Variants in PDXDC1 observed in about 807,000 individuals in gnomAD.
PDXDC1 encodes pyridoxal-dependent decarboxylase domain-containing protein 1.
Under a neutral mutation model 100.1 loss-of-function variants are expected in PDXDC1, and 42 were observed. The observed-to-expected ratio is 0.42, with a 90% confidence interval of 0.33 to 0.54. The LOEUF is 0.54. PDXDC1 is among the 20% of genes least tolerant of loss of function. The pLI is 0.10. For synonymous variants in PDXDC1, 260 were observed against 371.7 expected (o/e 0.70, Z 3.46); for missense variants, 636 against 979.2 (o/e 0.65, Z 4.68).
chr16:14,977,016 T>C (rs1000272266), intron 1 of PDXDC1: 1 of 152,310 alleles, frequency 6.6e-6, no homozygotes, highest in African/African-American at 2.4e-5. Flanking sequence ...AGAATCCTGC[T>C]TTAAATATTA....
chr16:15,131,200 G>A (rs755139445), intron 16 of PDXDC1: 13 of 1,588,296 alleles, frequency 8.2e-6, no homozygotes, highest in African/African-American at 2.7e-5. Flanking sequence ...GGAGTTGGCA[G>A]AGCTGCGGTG....
chr16:15,002,557 A>C (rs1162286159), intron 4 of PDXDC1, among the ~76,000 whole-genome samples: 1 of 152,286 alleles, frequency 6.6e-6, no homozygotes, highest in Non-Finnish European at 1.5e-5. Context: ...ACCATATTTT[A>C]TTTTATTGGT....
chr16:15,003,966 A>G lies in PDXDC1; in HGVS notation c.243-221A>G, dbSNP rs577595449. Among the ~76,000 whole-genome samples, 453 of 152,358 alleles carry G rather than the reference A, an allele frequency of 3.0e-3. 2 individuals carry two copies. The highest frequency in any genetic ancestry group is 0.012 in the South Asian group (56 of 4,832). ...ACCACTGCACCCCAGCTTGGGCATCAAGAGGGAGACTCCATCTCAGAAAAA... is the reference window on the plus strand; with the variant it reads ...ACCACTGCACCCCAGCTTGGGCATCGAGAGGGAGACTCCATCTCAGAAAAA... On this transcript the variant is annotated intron_variant, in intron 4 of 22. Coordinates refer to ENST00000396410, the MANE Select transcript of PDXDC1 (RefSeq NM_015027.4).
At chr16:15,109,267 T>G (rs1448115577) in intron 16 of PDXDC1, 1 of 147,320 alleles carries the variant, frequency 6.8e-6, no homozygotes, top group African/African-American at 2.5e-5. Flanking sequence ...CCAGGCTGGG[T>G]GCGGTGGCTC....
intron 16 of PDXDC1, among the ~76,000 whole-genome samples, chr16:15,090,161 G>C (rs944714560): frequency 5.5e-4 from 83 of 151,962 alleles, no homozygotes; most frequent in African/African-American, 1.9e-3. Context: ...AGTGAGCCCA[G>C]ATCACACCAC....
At chr16:14,980,571 C>T (rs1215257853) in intron 1 of PDXDC1, among the ~76,000 whole-genome samples, 1 of 152,282 alleles carries the variant, frequency 6.6e-6, no homozygotes, top group Admixed American at 6.5e-5. Flanking sequence ...CTGCAAGCTC[C>T]ACCTCCCAGG....
chr16:14,985,593 T>A (rs575891444), intron 1 of PDXDC1, among the ~76,000 whole-genome samples: 1 of 152,376 alleles, frequency 6.6e-6, no homozygotes, highest in Admixed American at 6.5e-5. Flanking sequence ...CCTTGCCAAT[T>A]TATAATTTTC....
At chr16:15,025,011 C>T (rs2042483465) in intron 13 of PDXDC1, among the ~76,000 whole-genome samples, 1 of 152,430 alleles carries the variant, frequency 6.6e-6, no homozygotes, top group Non-Finnish European at 1.5e-5. Context: ...ATGCTCCCAT[C>T]CCCTGCCACT....
At chr16:15,072,516 C>G (rs1009673954) in intron 16 of PDXDC1, among the ~76,000 whole-genome samples, 3 of 152,088 alleles carry the variant, frequency 2.0e-5, no homozygotes, top group Admixed American at 6.6e-5. Flanking sequence ...GAGAAGGGAA[C>G]GTGGGCCAGG....
intron 16 of PDXDC1, among the ~76,000 whole-genome samples, chr16:15,069,309 G>A (rs2045120569): frequency 2.0e-5 from 3 of 152,154 alleles, no homozygotes; most frequent in Admixed American, 1.3e-4. Flanking sequence ...GACGATGAAG[G>A]ATGATGCAGC....
chr16:15,003,960 GGCATCA>G (rs1369162755), intron 4 of PDXDC1, among the ~76,000 whole-genome samples: 1 of 152,252 alleles, frequency 6.6e-6, no homozygotes. Context: ...CCCCAGCTTG[GGCATCA>G]AGAGGGAGAC....
intron 13 of PDXDC1, among the ~76,000 whole-genome samples, chr16:15,023,960 T>C (rs376257350): frequency 0.036 from 5,418 of 150,956 alleles, 1 homozygote; most frequent in African/African-American, 0.054. Flanking sequence ...ATGGCCTAGA[T>C]TGAGCAAGCT....
At chr16:15,052,535 C>T (rs896106201) in intron 16 of PDXDC1, among the ~76,000 whole-genome samples, 1 of 152,086 alleles carries the variant, frequency 6.6e-6, no homozygotes, top group Non-Finnish European at 1.5e-5. Context: ...AAGCACAATG[C>T]TATATAAGAA....
chr16:15,077,297 C>G (rs1315960790), intron 16 of PDXDC1, among the ~76,000 whole-genome samples: 1 of 152,088 alleles, frequency 6.6e-6, no homozygotes. Context: ...CATCTTGAAT[C>G]GTACTCCTCC....
At chr16:15,111,453 T>C (rs1230117701) in intron 16 of PDXDC1, among the ~76,000 whole-genome samples, 4 of 59,558 alleles carry the variant, frequency 6.7e-5, no homozygotes, top group Admixed American at 5.2e-4. Flanking sequence ...TCAAACTCTG[T>C]CTCAAAAAAA....
chr16:15,062,968 A>T (rs1264741322), intron 16 of PDXDC1, among the ~76,000 whole-genome samples: 1 of 152,164 alleles, frequency 6.6e-6, no homozygotes, highest in African/African-American at 2.4e-5. Context: ...CTCAGCTTCC[A>T]GAGGAGCTGG....
At chr16:15,074,948 CTT>C in intron 16 of PDXDC1, 1 of 1,320,300 alleles carries the variant, frequency 7.6e-7, no homozygotes, top group Non-Finnish European at 1.0e-6. Flanking sequence ...GATTATTTCC[CTT>C]AAAAGATAAA....
In PDXDC1 at chr16:15,063,654, G is replaced by A. The variant is rs552596900; in HGVS notation, c.1399+33598G>A. 1.9e-3 allele frequency among the ~76,000 whole-genome samples: 271 copies of A among 139,766 alleles called. 1 individual carries two copies. Among genetic ancestry groups the A allele is most frequent in the African/African-American group, 5.6e-3 (214 of 38,306 alleles). The allele number at this position is 139,766 out of a possible 152,430, so 91.7% of individuals were successfully genotyped here. A position where few individuals can be genotyped will look rare whatever the true frequency, so the allele number is the denominator to read the frequency against. On this transcript the variant is annotated intron_variant, in intron 16 of 16. Coordinates refer to the PDXDC1 transcript ENST00000535621. ...TGGGAGACGGAGCTTGCAGCGAGCC[G>A]AGATCGCGCCACTGCACTCCAGCCT...
chr16:14,991,312 T>TA (rs1970768077), intron 1 of PDXDC1, among the ~76,000 whole-genome samples: 2 of 147,270 alleles, frequency 1.4e-5, no homozygotes, highest in African/African-American at 4.9e-5. Context: ...TGTGTATTTG[T>TA]TGTTGTCGAG....
Sources: gnomAD v4.1 joint callset for allele counts (sites outside exome capture counted in the v4.1 genomes callset) on GRCh38, gnomAD v4.1.1 for gene constraint, MANE v1.5 for transcripts, NCBI Gene and HGNC (gene_info 2026-07-23, HGNC 2026-07-21) for gene names.